DOCK10: variants seen among roughly 807,000 people sequenced by gnomAD.
DOCK10 encodes the protein dedicator of cytokinesis protein 10.
DOCK10 carries 145 observed loss-of-function variants against 280.1 expected under a neutral mutation model. The ratio of observed to expected loss-of-function variants is 0.52; its 90% CI spans 0.45 to 0.59. The LOEUF (loss-of-function observed/expected upper bound fraction) is 0.59, where lower values mean the gene tolerates loss of function less well. DOCK10 is among the 20% of genes least tolerant of loss of function. The probability of loss-of-function intolerance (pLI) is 0.00; values close to 1 mark genes in which losing one functional copy is unlikely to be tolerated. For missense variants in DOCK10, 2,368 were observed against 2,651.7 expected, an observed-to-expected ratio of 0.89 and a Z score of 2.35; for synonymous variants, 915 against 942.2, an observed-to-expected ratio of 0.97 and a Z score of 0.53.
chr2:224,839,749 A>G (rs1300800644), intron 24 of DOCK10, among the ~76,000 whole-genome samples: 2 of 152,216 alleles, frequency 1.3e-5, no homozygotes, highest in African/African-American at 4.8e-5. Flanking sequence ...GTTTAATTTA[A>G]AAATCAAAGA....
chr2:224,775,683 C>T (rs1206330499), intron 51 of DOCK10, among the ~76,000 whole-genome samples: 5 of 152,148 alleles, frequency 3.3e-5, no homozygotes, highest in African/African-American at 1.2e-4. Flanking sequence ...GCTCTGTTGG[C>T]CAGGCTGGTC....
intron 7 of DOCK10, among the ~76,000 whole-genome samples, chr2:224,879,510 C>A (rs896172368): frequency 1.3e-5 from 2 of 152,148 alleles, no homozygotes; most frequent in Admixed American, 6.5e-5. Flanking sequence ...GTAATCCCAG[C>A]GCTTTAGGAG....
At chr2:224,995,524 A>G (rs767201631) in intron 1 of DOCK10, among the ~76,000 whole-genome samples, 11 of 152,218 alleles carry the variant, frequency 7.2e-5, no homozygotes, top group Non-Finnish European at 1.5e-4. Context: ...AAAAATTTGG[A>G]TATTTTAATG....
chr2:224,983,227 T>C (rs1705835470), intron 1 of DOCK10, among the ~76,000 whole-genome samples: 2 of 152,160 alleles, frequency 1.3e-5, no homozygotes, highest in Admixed American at 1.3e-4. Context: ...TTGAGGTCTT[T>C]GGTAGTTAAG....
chr2:224,922,059 C>T (rs771201317), intron 2 of DOCK10, among the ~76,000 whole-genome samples: 5 of 138,748 alleles, frequency 3.6e-5, no homozygotes, highest in African/African-American at 5.4e-5. Flanking sequence ...GCGGAGGTTG[C>T]GGTGAGTCGA....
rs3835782 is a variant in DOCK10, at chr2:224,765,540, G to GA, written c.*180dup. On this transcript the variant is annotated 3_prime_UTR_variant, in exon 56 of 56. Transcript: ENST00000258390. Reference sequence around the variant, plus strand: ...CCTGGCTTGATCAACACTGCTCAAAGAAAAAAAAATTATACAAAATGTGCA... The same window carrying GA: ...CCTGGCTTGATCAACACTGCTCAAAGAAAAAAAAAATTATACAAAATGTGCA... 99,092 of 527,238 alleles carry GA rather than the reference G, an allele frequency of 0.19. 8,909 individuals are homozygous for GA. The highest frequency in any genetic ancestry group is 0.33 in the East Asian group (10,056 of 30,870). 32.7% of individuals were successfully genotyped at this position (527,238 alleles called of 1,614,324 possible). A position where few individuals can be genotyped will look rare whatever the true frequency, so the allele number is the denominator to read the frequency against.
intron 28 of DOCK10, 95 bp downstream of exon 28, chr2:224,823,406 A>G: frequency 1.8e-6 from 2 of 1,091,596 alleles, no homozygotes; most frequent in South Asian, 5.7e-5. Flanking sequence ...TTGATTTTTC[A>G]TCATACATGA....
At position 224,816,016 on chromosome 2, in the gene DOCK10, A is replaced by G. The variant is rs116627755; in HGVS notation, c.3364+601T>C. On this transcript the variant is annotated intron_variant, in intron 30 of 55. Coordinates refer to ENST00000258390, the MANE Select transcript of DOCK10 (RefSeq NM_014689.3). ...CCACTGTACTCCCAGCCTGGGTGAC[A>G]GAGTGAGACTCTACCTCAAAAACAA... 9.9e-3 allele frequency among the ~76,000 whole-genome samples: 1,501 copies of G among 152,198 alleles called. 26 individuals are homozygous for G. Among genetic ancestry groups the G allele is most frequent in the African/African-American group, 0.033 (1,353 of 41,530 alleles).
chr2:224,961,268 G>GTT (rs1258972661), intron 1 of DOCK10, among the ~76,000 whole-genome samples: 1 of 152,138 alleles, frequency 6.6e-6, no homozygotes, highest in African/African-American at 2.4e-5. Flanking sequence ...GAAATGCTGC[G>GTT]TTGAACAAAG....
intron 5 of DOCK10, 136 bp downstream of exon 5, chr2:224,886,323 T>C (rs1219527504): frequency 6.8e-6 from 10 of 1,475,600 alleles, no homozygotes; most frequent in South Asian, 1.2e-5. Flanking sequence ...CAAACGTGAC[T>C]CATTTTGACT....
chr2:224,799,285 C>A (rs936106972), intron 41 of DOCK10, among the ~76,000 whole-genome samples: 1 of 152,106 alleles, frequency 6.6e-6, no homozygotes, highest in Non-Finnish European at 1.5e-5. Flanking sequence ...GGTATATACT[C>A]TTTTTAAATT....
At chr2:224,784,358 C>T (rs921786042) in intron 50 of DOCK10, among the ~76,000 whole-genome samples, 6 of 152,176 alleles carry the variant, frequency 3.9e-5, no homozygotes, top group African/African-American at 7.2e-5. Context: ...CCTTAATAAG[C>T]TGCAACTCAT....
chr2:224,858,806 T>C (rs1454341975), intron 14 of DOCK10, among the ~76,000 whole-genome samples: 4 of 152,188 alleles, frequency 2.6e-5, no homozygotes, highest in African/African-American at 4.8e-5. Context: ...ACCATGATCT[T>C]TGGGGTATGA....
intron 1 of DOCK10, among the ~76,000 whole-genome samples, chr2:224,932,070 T>C (rs1325473928): frequency 6.6e-6 from 1 of 152,158 alleles, no homozygotes; most frequent in African/African-American, 2.4e-5. Context: ...TCCTCATGAG[T>C]TCTGTTGGGT....
intron 3 of DOCK10, among the ~76,000 whole-genome samples, chr2:224,910,882 A>G (rs1383566014): frequency 6.6e-6 from 1 of 152,118 alleles, no homozygotes; most frequent in Non-Finnish European, 1.5e-5. Context: ...AAGGACTACT[A>G]TGGGAGTTTT....
At chr2:224,924,949 T>G (rs929155914) in intron 2 of DOCK10, among the ~76,000 whole-genome samples, 1 of 152,226 alleles carries the variant, frequency 6.6e-6, no homozygotes, top group Non-Finnish European at 1.5e-5. Context: ...CCAGTTGCTC[T>G]ATTTCCTTGA....
intron 2 of DOCK10, among the ~76,000 whole-genome samples, chr2:224,918,552 G>C (rs767002684): frequency 8.6e-4 from 123 of 142,772 alleles, no homozygotes; most frequent in Middle Eastern, 3.7e-3. Context: ...GTATATGTGT[G>C]AGTGTGTGTG....
At chr2:224,983,837 T>A (rs1318154214) in intron 1 of DOCK10, 10 of 470,972 alleles carry the variant, frequency 2.1e-5, no homozygotes, top group Non-Finnish European at 4.4e-5. Context: ...AAAAAAATGC[T>A]AATGATGCTG....
rs1014718106 is a variant in DOCK10 at position 224,947,005 on chromosome 2, C to T, written c.124-15337G>A. The T allele has an allele frequency of 7.3e-6, 11 of 1,503,552 alleles. No homozygotes were observed. In the African/African-American group the frequency reaches 1.1e-4, roughly 15 times the overall value. 93.1% of individuals were successfully genotyped at this position (1,503,552 alleles called of 1,614,324 possible). A position where few individuals can be genotyped will look rare whatever the true frequency, so the allele number is the denominator to read the frequency against. On this transcript the variant is annotated intron_variant, in intron 1 of 55. Coordinates refer to ENST00000258390, the MANE Select transcript of DOCK10 (RefSeq NM_014689.3). ...ATTTCAAAATATCAATGTCGTTAAA[C>T]TCTTCTCTTCTGAAGCGTCACCAGG...
Sources: allele counts gnomAD v4.1 joint callset (sites outside exome capture counted in the v4.1 genomes callset), GRCh38; gene constraint gnomAD v4.1.1; transcripts MANE v1.5; gene names NCBI Gene and HGNC (gene_info 2026-07-23, HGNC 2026-07-21).